The following PTPRT variants were observed in gnomAD, a reference collection of about 807,000 sequenced individuals.
PTPRT encodes the protein receptor-type tyrosine-protein phosphatase T.
In PTPRT, 56 loss-of-function variants were observed where a neutral mutation model predicts 176.8. The observed-to-expected ratio is 0.32, with a 90% CI of 0.26 to 0.40. The LOEUF (loss-of-function observed/expected upper bound fraction) is 0.40, where lower values mean the gene tolerates loss of function less well. Ranked by LOEUF, PTPRT falls within the 10% of genes least tolerant of loss-of-function variation. The pLI is 1.00. For synonymous variants in PTPRT, 783 were observed against 739.0 expected (o/e 1.06, Z -0.96); for missense variants, 1,540 against 1,908.2 (o/e 0.81, Z 3.60).
chr20:42,333,788 C>G (rs990080167), intron 11 of PTPRT, among the ~76,000 whole-genome samples: 8 of 152,198 alleles, frequency 5.3e-5, no homozygotes, highest in Non-Finnish European at 1.2e-4. Context: ...AAGCTAGATT[C>G]TTCTGCCTCA....
At chr20:42,048,548 C>T in the PTPRT span, among the ~76,000 whole-genome samples, 1 of 152,130 alleles carries the variant, frequency 6.6e-6, no homozygotes, top group African/African-American at 2.4e-5. Context: ...GAGCTCAGGA[C>T]ACATGGAGAG....
chr20:42,141,801 G>T (rs1988643928), intron 18 of PTPRT, 114 bp downstream of exon 18: 3 of 1,011,686 alleles, frequency 3.0e-6, no homozygotes, highest in South Asian at 2.8e-5. Flanking sequence ...TAGATACAAA[G>T]CTAGAGACAG....
At chr20:42,108,689 T>C (rs1462828912) in intron 23 of PTPRT, among the ~76,000 whole-genome samples, 2 of 152,158 alleles carry the variant, frequency 1.3e-5, no homozygotes, top group East Asian at 1.9e-4. Context: ...GAAGGATTAA[T>C]AAATAATCTG....
chr20:42,610,544 A>T (rs1354025962), intron 7 of PTPRT, among the ~76,000 whole-genome samples: 1 of 152,010 alleles, frequency 6.6e-6, no homozygotes. Flanking sequence ...TTGAACTTGA[A>T]AACCTGAGAA....
At chr20:42,197,435 G>A (rs539319652) in intron 16 of PTPRT, among the ~76,000 whole-genome samples, 1 of 145,460 alleles carries the variant, frequency 6.9e-6, no homozygotes, top group Admixed American at 6.9e-5. Flanking sequence ...AAAGTTGAGA[G>A]GGCTGTTCTA....
At chr20:42,674,718 A>G (rs888122074) in intron 7 of PTPRT, among the ~76,000 whole-genome samples, 1 of 152,184 alleles carries the variant, frequency 6.6e-6, no homozygotes, top group Non-Finnish European at 1.5e-5. Context: ...ATTTTACCAA[A>G]GGCCTGTTTT....
chr20:42,155,321 T>A (rs2146477413), intron 17 of PTPRT, among the ~76,000 whole-genome samples: 1 of 152,344 alleles, frequency 6.6e-6, no homozygotes, highest in Non-Finnish European at 1.5e-5. Context: ...CTTGAGCTCC[T>A]AGGAGCCCAA....
chr20:42,086,826 C>T (rs1174938965), intron 27 of PTPRT, among the ~76,000 whole-genome samples: 9 of 143,796 alleles, frequency 6.3e-5, no homozygotes, highest in Admixed American at 6.2e-4. Flanking sequence ...ACTAGCTGTG[C>T]AGCCCAGGCC....
At chr20:42,591,975 CTTTT>C (rs71335866) in intron 7 of PTPRT, among the ~76,000 whole-genome samples, 5 of 102,382 alleles carry the variant, frequency 4.9e-5, no homozygotes, top group Admixed American at 2.1e-4. Context: ...GCTGGAGATT[CTTTT>C]TTTTTTTTTT....
At chr20:42,226,475 A>T (rs1286560076) in intron 15 of PTPRT, among the ~76,000 whole-genome samples, 1 of 152,226 alleles carries the variant, frequency 6.6e-6, no homozygotes, top group East Asian at 1.9e-4. Flanking sequence ...AGCACTTTGG[A>T]AGAGATAAAT....
At chr20:42,706,326 T>C (rs1452421323) in intron 6 of PTPRT, among the ~76,000 whole-genome samples, 1 of 151,990 alleles carries the variant, frequency 6.6e-6, no homozygotes, top group African/African-American at 2.4e-5. Flanking sequence ...ATAGCTTCTG[T>C]TTGTTGTTAA....
intron 7 of PTPRT, among the ~76,000 whole-genome samples, chr20:42,631,518 G>A (rs2074404878): frequency 6.6e-6 from 1 of 152,162 alleles, no homozygotes; most frequent in Admixed American, 6.5e-5. Flanking sequence ...CAGAATAGGG[G>A]AAGTTAGCAG....
intron 6 of PTPRT, chr20:42,688,132 T>C (rs1422093413): frequency 6.6e-6 from 1 of 152,224 alleles, no homozygotes; most frequent in Non-Finnish European, 1.5e-5. Context: ...GTCCTAGTGA[T>C]GGGAGACTTC....
rs145150258 is a variant in PTPRT at position 42,440,907 on chromosome 20, T to A, written c.1560+7313A>T. ...CAGGAGAGCTCAGTCTTCTGATCTA[T>A]TCAGACCTTCAGCTGATGGGATGAA... On this transcript the variant is annotated intron_variant, in intron 9 of 30. Transcript: ENST00000373187. 5.2e-3 allele frequency among the ~76,000 whole-genome samples: 794 copies of A among 152,338 alleles called. 10 individuals carry two copies. Among genetic ancestry groups the A allele is most frequent in the Admixed American group, 7.1e-3 (108 of 15,306 alleles).
the PTPRT span, among the ~76,000 whole-genome samples, chr20:42,039,219 A>G: frequency 6.6e-6 from 1 of 152,210 alleles, no homozygotes; most frequent in Non-Finnish European, 1.5e-5. Context: ...GTTTATTTTA[A>G]TTGACAAGTA....
intron 9 of PTPRT, among the ~76,000 whole-genome samples, chr20:42,428,744 C>A (rs896322067): frequency 3.3e-5 from 5 of 151,848 alleles, no homozygotes; most frequent in African/African-American, 1.2e-4. Flanking sequence ...CTCAACTCAT[C>A]CCATTTGTTT....
At chr20:42,760,805 T>G (rs1207120591) in intron 5 of PTPRT, among the ~76,000 whole-genome samples, 1 of 152,206 alleles carries the variant, frequency 6.6e-6, no homozygotes, top group Non-Finnish European at 1.5e-5. Flanking sequence ...CTTGGAGATG[T>G]TGTTTACTGG....
chr20:42,865,243 C>T (rs2078727076), intron 2 of PTPRT, among the ~76,000 whole-genome samples: 1 of 152,162 alleles, frequency 6.6e-6, no homozygotes, highest in South Asian at 2.1e-4. Context: ...AGGTTAAGGC[C>T]ACTGGAGCCC....
At chr20:42,268,822 T>C (rs2056881982) in intron 13 of PTPRT, among the ~76,000 whole-genome samples, 1 of 152,172 alleles carries the variant, frequency 6.6e-6, no homozygotes, top group Non-Finnish European at 1.5e-5. Context: ...TTGCCCATAG[T>C]GGATGCTGTT....
Sources: allele counts gnomAD v4.1 joint callset (sites outside exome capture counted in the v4.1 genomes callset), GRCh38; gene constraint gnomAD v4.1.1; transcripts MANE v1.5; gene names NCBI Gene and HGNC (gene_info 2026-07-23, HGNC 2026-07-21).